GPC5: variants seen among roughly 807,000 people sequenced by gnomAD.
GPC5 encodes the protein glypican-5.
GPC5 carries 47 observed loss-of-function variants against 53.9 expected under a neutral mutation model. That is an observed-to-expected ratio of 0.87 (90% CI 0.69 to 1.11). The LOEUF is 1.11. Ranked by LOEUF, GPC5 falls within the 50% of genes most tolerant of loss-of-function variation. The probability of loss-of-function intolerance (pLI) is 0.00; values close to 1 mark genes in which losing one functional copy is unlikely to be tolerated. For missense variants in GPC5, 748 were observed against 713.1 expected (o/e 1.05, Z -0.56); for synonymous variants, 286 against 263.3 (o/e 1.09, Z -0.84).
chr13:92,679,973 G>A (rs1887067251), intron 7 of GPC5, among the ~76,000 whole-genome samples: 1 of 143,228 alleles, frequency 7.0e-6, no homozygotes, highest in Non-Finnish European at 1.5e-5. Context: ...GATCTCTAAG[G>A]TAATAATGCA....
Position 92,747,145 on chromosome 13 carries a change from C to G in GPC5, c.1562-119137C>G, listed in dbSNP as rs117339218. Among the ~76,000 whole-genome samples, 241 of 152,200 alleles carry G rather than the reference C, an allele frequency of 1.6e-3. 3 individuals carry two copies. Among genetic ancestry groups the G allele is most frequent in the Non-Finnish European group, 2.6e-3 (174 of 67,984 alleles). On this transcript the variant is annotated intron_variant, in intron 7 of 7. Transcript: ENST00000377067. ...CAAAGCGTCATTATGTGGTGCATGA[C>G]CATACATGAATTGAATATTCCCCAC...
At chr13:91,851,370 G>C (rs992476392) in intron 5 of GPC5, among the ~76,000 whole-genome samples, 8 of 152,094 alleles carry the variant, frequency 5.3e-5, no homozygotes, top group Non-Finnish European at 1.0e-4. Flanking sequence ...GGAGCTTTCA[G>C]GACTGGAAGT....
At chr13:92,663,918 A>ACACAC in intron 7 of GPC5, among the ~76,000 whole-genome samples, 1 of 129,152 alleles carries the variant, frequency 7.7e-6, no homozygotes, top group African/African-American at 2.9e-5. Flanking sequence ...ACACACACAC[A>ACACAC]AAAATTAGCT....
intron 3 of GPC5, among the ~76,000 whole-genome samples, chr13:91,708,273 GTTTTT>G (rs1018672208): frequency 6.8e-6 from 1 of 147,006 alleles, no homozygotes; most frequent in African/African-American, 2.5e-5. Context: ...TTTTGTTTTT[GTTTTT>G]TTTTTGTTTT....
intron 7 of GPC5, among the ~76,000 whole-genome samples, chr13:92,604,816 T>C (rs1884196674): frequency 6.6e-6 from 1 of 152,238 alleles, no homozygotes; most frequent in Non-Finnish European, 1.5e-5. Flanking sequence ...TTTTCAACAT[T>C]TCACATATAG....
intron 7 of GPC5, among the ~76,000 whole-genome samples, chr13:92,754,345 T>C (rs55973242): frequency 0.27 from 41,156 of 152,018 alleles, 5,982 homozygotes; most frequent in East Asian, 0.4. Flanking sequence ...AACATGGAAA[T>C]GCACAAACGG....
chr13:91,999,207 C>CTT (rs60161065), intron 6 of GPC5, among the ~76,000 whole-genome samples: 1 of 150,692 alleles, frequency 6.6e-6, no homozygotes, highest in Non-Finnish European at 1.5e-5. Flanking sequence ...TCAAAATAAC[C>CTT]TTTTTTTTTT....
chr13:91,783,999 G>C (rs1200981105), intron 5 of GPC5, among the ~76,000 whole-genome samples: 1 of 152,154 alleles, frequency 6.6e-6, no homozygotes, highest in South Asian at 2.1e-4. Context: ...AGATGGACAA[G>C]TTGTAGTCTA....
At chr13:92,766,728 TAGAG>T (rs753235922) in intron 7 of GPC5, among the ~76,000 whole-genome samples, 5 of 151,810 alleles carry the variant, frequency 3.3e-5, no homozygotes, top group African/African-American at 9.7e-5. Flanking sequence ...TAAGTCAAAA[TAGAG>T]AGAGAGAGAG....
intron 7 of GPC5, among the ~76,000 whole-genome samples, chr13:92,192,541 T>C (rs1298088344): frequency 6.6e-6 from 1 of 152,234 alleles, no homozygotes; most frequent in African/African-American, 2.4e-5. Flanking sequence ...CTAAATTGTC[T>C]TAAAATTATA....
At chr13:91,943,987 C>A (rs2039951779) in intron 6 of GPC5, among the ~76,000 whole-genome samples, 1 of 152,252 alleles carries the variant, frequency 6.6e-6, no homozygotes, top group African/African-American at 2.4e-5. Context: ...TGGTTCCCCA[C>A]AATGAGTGGC....
chr13:92,392,628 A>G, intron 7 of GPC5, among the ~76,000 whole-genome samples: 1 of 152,122 alleles, frequency 6.6e-6, no homozygotes, highest in East Asian at 1.9e-4. Context: ...CCTACAGAAT[A>G]GGAGAAAATA....
intron 7 of GPC5, among the ~76,000 whole-genome samples, chr13:92,595,767 C>A (rs1347610984): frequency 8.0e-3 from 742 of 92,994 alleles, no homozygotes; most frequent in African/African-American, 0.016. Context: ...GACTCTGTCT[C>A]AAAAAAAAAA....
chr13:92,558,623 G>T (rs1324449485), intron 7 of GPC5, among the ~76,000 whole-genome samples: 2 of 151,886 alleles, frequency 1.3e-5, no homozygotes, highest in East Asian at 1.9e-4. Flanking sequence ...ATATCGCTGG[G>T]GTAAGCAGGG....
At chr13:92,802,626 T>C (rs567779643) in intron 7 of GPC5, among the ~76,000 whole-genome samples, 1 of 151,860 alleles carries the variant, frequency 6.6e-6, no homozygotes, top group Non-Finnish European at 1.5e-5. Flanking sequence ...AGAATGATGG[T>C]TTCCAGCTTC....
At chr13:92,423,771 G>T (rs1363030539) in intron 7 of GPC5, among the ~76,000 whole-genome samples, 1 of 152,158 alleles carries the variant, frequency 6.6e-6, no homozygotes, top group East Asian at 1.9e-4. Context: ...GAAATTACAT[G>T]TTTGATTGCA....
intron 7 of GPC5, among the ~76,000 whole-genome samples, chr13:92,169,604 C>T (rs772944356): frequency 7.2e-5 from 11 of 152,076 alleles, no homozygotes; most frequent in Admixed American, 1.3e-4. Context: ...GAATTTCTTA[C>T]CTTTTATTCA....
chr13:92,416,535 T>A (rs1041966728), intron 7 of GPC5, among the ~76,000 whole-genome samples: 3 of 152,194 alleles, frequency 2.0e-5, no homozygotes, highest in Admixed American at 1.3e-4. Flanking sequence ...AAGGATTAAG[T>A]TGAATCCCTA....
intron 7 of GPC5, among the ~76,000 whole-genome samples, chr13:92,705,463 T>C (rs1326470423): frequency 6.6e-6 from 1 of 152,060 alleles, no homozygotes; most frequent in Non-Finnish European, 1.5e-5. Context: ...CTATTCCATA[T>C]TGAGATATAC....
Sources: gnomAD v4.1 joint callset for allele counts (sites outside exome capture counted in the v4.1 genomes callset) on GRCh38, gnomAD v4.1.1 for gene constraint, MANE v1.5 for transcripts, NCBI Gene and HGNC (gene_info 2026-07-23, HGNC 2026-07-21) for gene names.